RUFY1: variants seen among roughly 807,000 people sequenced by gnomAD.
The protein encoded by RUFY1 is RUN and FYVE domain containing 1, also known as RUN and FYVE domain-containing protein 1.
RUFY1 carries 54 observed loss-of-function variants against 94.6 expected under a neutral mutation model. The ratio of observed to expected loss-of-function variants is 0.57; its 90% CI spans 0.46 to 0.72. The LOEUF (loss-of-function observed/expected upper bound fraction) is 0.72. RUFY1 is among the 30% of genes least tolerant of loss of function. The pLI is 0.00. For synonymous variants in RUFY1, 396 were observed against 347.3 expected, an observed-to-expected ratio of 1.14 and a Z score of -1.56; for missense variants, 883 against 883.9, an observed-to-expected ratio of 1.00 and a Z score of 0.01.
At chr5:179,598,845 G>A in intron 14 of RUFY1, 24 bp downstream of exon 14, 1 of 1,613,558 alleles carries the variant, frequency 6.2e-7, no homozygotes, top group Non-Finnish European at 8.5e-7. Context: ...TCCCGGGAGA[G>A]GAGAGCCTCT....
At chr5:179,579,332 C>G (rs1360232432) in intron 6 of RUFY1, among the ~76,000 whole-genome samples, 1 of 151,412 alleles carries the variant, frequency 6.6e-6, no homozygotes, top group African/African-American at 2.4e-5. Flanking sequence ...ATTCTTTTTT[C>G]TTTTTTTTTG....
At chr5:179,607,687 A>G (rs757909424) in intron 17 of RUFY1, 28 bp downstream of exon 17, 18 of 1,588,300 alleles carry the variant, frequency 1.1e-5, no homozygotes, top group Non-Finnish European at 1.6e-5. Context: ...CCACCCTCCC[A>G]GTGCCCTGAG....
intron 1 of RUFY1, among the ~76,000 whole-genome samples, chr5:179,559,011 T>G (rs941542686): frequency 1.3e-5 from 2 of 152,230 alleles, no homozygotes; most frequent in Non-Finnish European, 2.9e-5. Flanking sequence ...AGAAGTTATT[T>G]AACCTCAGTA....
At chr5:179,563,358 A>G (rs1464619840) in intron 3 of RUFY1, among the ~76,000 whole-genome samples, 2 of 152,132 alleles carry the variant, frequency 1.3e-5, no homozygotes, top group African/African-American at 4.8e-5. Flanking sequence ...ATTCCTTCTC[A>G]TTTATCTCAT....
intron 8 of RUFY1, chr5:179,586,398 C>A (rs1331629246): frequency 4.4e-6 from 2 of 456,692 alleles, no homozygotes; most frequent in South Asian, 3.1e-5. Flanking sequence ...GCCAGCTGCC[C>A]GGCAGTCTCC....
At chr5:179,605,161 C>T (rs1581573913) in intron 15 of RUFY1, among the ~76,000 whole-genome samples, 1 of 151,422 alleles carries the variant, frequency 6.6e-6, no homozygotes, top group African/African-American at 2.4e-5. Context: ...CACCTGTAGT[C>T]GCAGCTACTT....
At chr5:179,564,206 A>G (rs1581435995) in intron 3 of RUFY1, among the ~76,000 whole-genome samples, 1 of 132,466 alleles carries the variant, frequency 7.5e-6, no homozygotes, top group East Asian at 2.2e-4. Flanking sequence ...TGCTACCTCC[A>G]CCCCCTGGGT....
chr5:179,568,508 T>C (rs1047334839), intron 4 of RUFY1, among the ~76,000 whole-genome samples: 2 of 152,236 alleles, frequency 1.3e-5, no homozygotes, highest in African/African-American at 2.4e-5. Context: ...CGACAAATAC[T>C]GATTTACAAT....
At chr5:179,578,513 C>G (rs561123194) in intron 6 of RUFY1, among the ~76,000 whole-genome samples, 141 of 152,166 alleles carry the variant, frequency 9.3e-4, no homozygotes, top group African/African-American at 3.4e-3. Context: ...GCCACCGCGC[C>G]CAGTCTAGTA....
In RUFY1 at chr5:179,552,912, T is replaced by TC. The variant is rs1009922239; in HGVS notation, c.310+2033_310+2034insC. On this transcript the variant is annotated intron_variant, in intron 1 of 17. Coordinates refer to ENST00000319449, the MANE Select transcript of RUFY1 (RefSeq NM_025158.5). ...CTTCAAAGGTGCCAGGCATTAGTCT[T>TC]AAACCTGTACAAGTATTCATTCATT... 1.7e-4 allele frequency among the ~76,000 whole-genome samples: 26 copies of TC among 152,334 alleles called. 1 individual carries two copies. The highest frequency in any genetic ancestry group is 7.8e-4 in the Admixed American group (12 of 15,306).
intron 17 of RUFY1, chr5:179,608,155 T>C (rs751056493): frequency 6.7e-6 from 2 of 298,490 alleles, no homozygotes; most frequent in Non-Finnish European, 1.0e-5. Context: ...CTGGGCCTTA[T>C]TAACAGTCTC....
At chr5:179,600,783 G>A (rs1417557850) in intron 14 of RUFY1, among the ~76,000 whole-genome samples, 3 of 120,258 alleles carry the variant, frequency 2.5e-5, no homozygotes, top group South Asian at 3.0e-4. Context: ...TGCAACCTCC[G>A]CCTCCCCAGT....
At position 179,605,870 on chromosome 5, in the gene RUFY1, C is replaced by A; in HGVS notation, c.1857-6C>A. ...TGCTATGAAATGGCCTTTTTTTTTT[C>A]CTTAGGTCCAAGCTGAAGATGGAAG... is the stretch of plus-strand genomic sequence containing the variant. On this transcript the variant is annotated splice_region_variant and splice_polypyrimidine_tract_variant and intron_variant, in intron 15 of 17. Coordinates refer to ENST00000319449, the MANE Select transcript of RUFY1 (RefSeq NM_025158.5). The A allele has an allele frequency of 6.4e-7, 1 of 1,571,850 alleles. No homozygotes were observed. The highest frequency in any genetic ancestry group is 8.6e-7 in the Non-Finnish European group (1 of 1,156,728).
chr5:179,575,279 A>G (rs1763531616), intron 5 of RUFY1, among the ~76,000 whole-genome samples: 2 of 152,098 alleles, frequency 1.3e-5, no homozygotes, highest in South Asian at 4.1e-4. Flanking sequence ...GTTCTTGTTC[A>G]AGAGCGCACG....
intron 10 of RUFY1, among the ~76,000 whole-genome samples, chr5:179,592,247 G>C (rs554918890): frequency 6.6e-6 from 1 of 152,128 alleles, no homozygotes; most frequent in Non-Finnish European, 1.5e-5. Context: ...AGCCTCCAGA[G>C]TAGCTGGGAC....
intron 8 of RUFY1, among the ~76,000 whole-genome samples, chr5:179,588,127 C>T (rs532761468): frequency 3.3e-5 from 5 of 152,302 alleles, no homozygotes; most frequent in East Asian, 1.9e-4. Flanking sequence ...GCAAGTAACA[C>T]GCCCTTTCAA....
At chr5:179,608,214 A>G in intron 17 of RUFY1, 2 of 826,704 alleles carry the variant, frequency 2.4e-6, no homozygotes, top group South Asian at 1.1e-4. Context: ...CAAAACTGGG[A>G]GCTAAAGGAA....
rs776557313 is a variant in RUFY1, at chr5:179,594,945, T to C, written c.1493T>C (p.Met498Thr). ...AAAACCAACCAAGTTATGTCCAGCATGAAACAAATGGAAGAAAGGTAATCA... is the reference window on the plus strand; with the variant it reads ...AAAACCAACCAAGTTATGTCCAGCACGAAACAAATGGAAGAAAGGTAATCA... ...EGKTNQVMSS[M>T]KQMEERLQHS... The change falls in exon 12 of 18, where the codon ATG becomes ACG. Residue 498 changes from methionine to threonine, a missense_variant. Coordinates refer to ENST00000319449, the MANE Select transcript of RUFY1 (RefSeq NM_025158.5). The C allele has an allele frequency of 2.5e-6, 4 of 1,609,914 alleles. No individual in the cohort carries two copies. Among genetic ancestry groups the C allele is most frequent in the Non-Finnish European group, 3.4e-6 (4 of 1,176,632 alleles).
intron 6 of RUFY1, among the ~76,000 whole-genome samples, chr5:179,579,403 G>A (rs917594549): frequency 5.3e-5 from 8 of 150,656 alleles, no homozygotes; most frequent in East Asian, 2.0e-4. Context: ...CTATCTGAGC[G>A]CACTGCAACC....
Sources: allele counts gnomAD v4.1 joint callset (sites outside exome capture counted in the v4.1 genomes callset), GRCh38; gene constraint gnomAD v4.1.1; transcripts MANE v1.5; gene names NCBI Gene and HGNC (gene_info 2026-07-23, HGNC 2026-07-21).